The following KCNN3 variants were observed in gnomAD, a reference collection of about 807,000 sequenced individuals.
KCNN3 encodes small conductance calcium-activated potassium channel protein 3.
KCNN3 carries 16 observed loss-of-function variants against 62.9 expected under a neutral mutation model. The observed-to-expected ratio is 0.25, with a 90% confidence interval of 0.17 to 0.39. The LOEUF is 0.39. Among genes scored for constraint, KCNN3 ranks in the 10% least tolerant of loss-of-function variants. KCNN3 has a pLI of 1.00. For synonymous variants in KCNN3, 370 were observed against 389.2 expected (o/e 0.95, Z 0.58); for missense variants, 599 against 949.4 (o/e 0.63, Z 4.85).
intron 2 of KCNN3, among the ~76,000 whole-genome samples, chr1:154,815,731 T>C (rs746020615): frequency 6.6e-6 from 1 of 152,198 alleles, no homozygotes; most frequent in Non-Finnish European, 1.5e-5. Context: ...TATTATACCT[T>C]GTCTCTCAGT....
chr1:154,721,161 A>T (rs1246412024), intron 5 of KCNN3, among the ~76,000 whole-genome samples: 2 of 152,146 alleles, frequency 1.3e-5, no homozygotes, highest in African/African-American at 2.4e-5. Flanking sequence ...TCCTTAGCAC[A>T]CTGTGCTGTC....
At chr1:154,798,420 G>A (rs1232547298) in intron 2 of KCNN3, among the ~76,000 whole-genome samples, 1 of 152,212 alleles carries the variant, frequency 6.6e-6, no homozygotes, top group African/African-American at 2.4e-5. Flanking sequence ...AGCGAGGCAG[G>A]ACATTCGCCA....
At chr1:154,831,251 T>A (rs1651367634) in intron 1 of KCNN3, among the ~76,000 whole-genome samples, 1 of 152,154 alleles carries the variant, frequency 6.6e-6, no homozygotes, top group Admixed American at 6.5e-5. Flanking sequence ...TAAATGAATA[T>A]GGAACGGTAA....
intron 1 of KCNN3, among the ~76,000 whole-genome samples, chr1:154,839,910 C>T (rs972158491): frequency 2.6e-5 from 4 of 152,176 alleles, no homozygotes; most frequent in African/African-American, 9.6e-5. Context: ...TAGCTCCTTG[C>T]CAGGGGCAGG....
At chr1:154,828,732 C>T (rs752965613) in intron 1 of KCNN3, among the ~76,000 whole-genome samples, 1 of 152,206 alleles carries the variant, frequency 6.6e-6, no homozygotes, top group Non-Finnish European at 1.5e-5. Context: ...CAAAGAGAAG[C>T]ATGCATTCCC....
chr1:154,736,976 T>G (rs1700724142), intron 3 of KCNN3: 1 of 698,892 alleles, frequency 1.4e-6, no homozygotes, highest in Admixed American at 2.0e-5. Context: ...TGAGATGAAT[T>G]GGACATGCAC....
At chr1:154,734,766 G>T (rs73005411) in intron 3 of KCNN3, among the ~76,000 whole-genome samples, 1 of 152,174 alleles carries the variant, frequency 6.6e-6, no homozygotes, top group African/African-American at 2.4e-5. Context: ...CACTTTGTAC[G>T]CAAACATTCT....
chr1:154,784,833 A>G (rs1649208397), intron 2 of KCNN3, among the ~76,000 whole-genome samples: 1 of 152,186 alleles, frequency 6.6e-6, no homozygotes, highest in South Asian at 2.1e-4. Context: ...TCTTATTTCT[A>G]TTTTACAGAC....
chr1:154,757,692 C>G (rs1299514487), intron 3 of KCNN3, among the ~76,000 whole-genome samples: 1 of 152,106 alleles, frequency 6.6e-6, no homozygotes, highest in East Asian at 1.9e-4. Context: ...GCACTATGTT[C>G]GTTCTGGGGC....
chr1:154,793,261 CACAGCAA>C (rs1379161935), intron 2 of KCNN3, among the ~76,000 whole-genome samples: 1 of 152,208 alleles, frequency 6.6e-6, no homozygotes, highest in Admixed American at 6.5e-5. Flanking sequence ...TCTCTCTGCC[CACAGCAA>C]AGGCCCAGAG....
At chr1:154,865,343 C>T (rs1383273186) in intron 1 of KCNN3, among the ~76,000 whole-genome samples, 3 of 151,498 alleles carry the variant, frequency 2.0e-5, no homozygotes, top group Non-Finnish European at 1.5e-5. Flanking sequence ...AGAGAGTAAA[C>T]CTGCCTATTA....
chr1:154,771,104 T>TA (rs1219085858), intron 3 of KCNN3, among the ~76,000 whole-genome samples: 1 of 117,846 alleles, frequency 8.5e-6, no homozygotes, highest in Non-Finnish European at 2.0e-5. Context: ...AATAAATAAA[T>TA]AAATAAAATG....
At chr1:154,711,078 G>A (rs1325897875) in intron 7 of KCNN3, among the ~76,000 whole-genome samples, 1 of 151,774 alleles carries the variant, frequency 6.6e-6, no homozygotes, top group African/African-American at 2.4e-5. Flanking sequence ...CAATAGCAAA[G>A]ACTTGGAACC....
At position 154,862,404 on chromosome 1, in the gene KCNN3, GA is replaced by G. The variant is rs1040422643; in HGVS notation, c.933+6627del. On this transcript the variant is annotated intron_variant, in intron 1 of 7. Coordinates refer to ENST00000271915, the MANE Select transcript of KCNN3 (RefSeq NM_002249.6). This position sits in a 1 kb window ranked among gnomAD's most constrained non-coding sequence, Gnocchi z 4.1. Reference sequence around the variant, plus strand: ...ATAAACAGCCACACAGCCAGTGCTGGAGGAGAAAGGCAGCCTAAGAGAAGAG... The same window carrying G: ...ATAAACAGCCACACAGCCAGTGCTGGGGAGAAAGGCAGCCTAAGAGAAGAG... 3.9e-5 allele frequency among the ~76,000 whole-genome samples: 6 copies of G among 152,190 alleles called. No individual in the cohort carries two copies. Among genetic ancestry groups the G allele is most frequent in the Non-Finnish European group, 7.3e-5 (5 of 68,036 alleles).
chr1:154,727,785 C>CA (rs34452491), intron 4 of KCNN3, among the ~76,000 whole-genome samples: 3 of 152,158 alleles, frequency 2.0e-5, no homozygotes, highest in Non-Finnish European at 2.9e-5. Flanking sequence ...CCTCCAAAAG[C>CA]AAAAAATAGC....
chr1:154,755,251 C>T (rs1647582334), intron 3 of KCNN3, among the ~76,000 whole-genome samples: 1 of 151,968 alleles, frequency 6.6e-6, no homozygotes, highest in Non-Finnish European at 1.5e-5. Flanking sequence ...GGGAGTATTG[C>T]TTGAGGCTGG....
At chr1:154,822,233 G>A (rs557595677) in intron 1 of KCNN3, 49 bp from the exon 2 acceptor site, 58 of 1,355,620 alleles carry the variant, frequency 4.3e-5, no homozygotes, top group East Asian at 4.6e-5. Flanking sequence ...GGAAAGGAGC[G>A]TCTCACTTTA....
chr1:154,818,648 C>A (rs544454791), intron 2 of KCNN3, among the ~76,000 whole-genome samples: 5 of 152,298 alleles, frequency 3.3e-5, no homozygotes, highest in African/African-American at 7.2e-5. Context: ...AGCAACGTAG[C>A]GCCGTCTTGG....
At chr1:154,726,901 A>T (rs1041057908) in intron 4 of KCNN3, among the ~76,000 whole-genome samples, 3 of 152,182 alleles carry the variant, frequency 2.0e-5, no homozygotes, top group Non-Finnish European at 2.9e-5. Context: ...AGCCCCCAGA[A>T]TGGTGGGACT....
Sources: gnomAD v4.1 joint callset for allele counts (sites outside exome capture counted in the v4.1 genomes callset) on GRCh38, gnomAD v4.1.1 for gene constraint, Gnocchi (gnomAD v3.1) non-coding constraint, MANE v1.5 for transcripts, NCBI Gene and HGNC (gene_info 2026-07-23, HGNC 2026-07-21) for gene names.